Variants in FUT8 observed in about 807,000 individuals in gnomAD.
The protein encoded by FUT8 is fucosyltransferase 8.
A neutral mutation model predicts 71.3 loss-of-function variants in FUT8; 29 were observed. The ratio of observed to expected loss-of-function variants is 0.41; its 90% CI spans 0.30 to 0.55. FUT8 has a LOEUF of 0.55. Among genes scored for constraint, FUT8 ranks in the 20% least tolerant of loss-of-function variants. The probability of loss-of-function intolerance (pLI) is 0.34; values close to 1 mark genes in which losing one functional copy is unlikely to be tolerated. For missense variants in FUT8, 544 were observed against 702.1 expected (o/e 0.77, Z 2.55); for synonymous variants, 254 against 239.3 (o/e 1.06, Z -0.57).
At chr14:65,493,771 T>TG in intron 2 of FUT8, among the ~76,000 whole-genome samples, 1 of 151,928 alleles carries the variant, frequency 6.6e-6, no homozygotes, top group East Asian at 1.9e-4. Context: ...GGGATAACCT[T>TG]GGAGGCCTCT....
chr14:65,635,805 T>C (rs191002190), intron 6 of FUT8, among the ~76,000 whole-genome samples: 5 of 152,312 alleles, frequency 3.3e-5, no homozygotes. Context: ...CTTTTTCAGT[T>C]AATGTCCTTT....
intron 7 of FUT8, among the ~76,000 whole-genome samples, chr14:65,677,217 A>G (rs1892806385): frequency 6.7e-6 from 1 of 149,330 alleles, no homozygotes; most frequent in Non-Finnish European, 1.5e-5. Flanking sequence ...AGACTTTATT[A>G]CTCATGCATT....
chr14:65,495,223 T>TA (rs2066541246), intron 2 of FUT8, among the ~76,000 whole-genome samples: 2 of 151,470 alleles, frequency 1.3e-5, no homozygotes, highest in Admixed American at 6.6e-5. Context: ...TAATCACATT[T>TA]AAAAAACTAT....
At chr14:65,690,878 A>G (rs1002961923) in intron 7 of FUT8, among the ~76,000 whole-genome samples, 1 of 152,068 alleles carries the variant, frequency 6.6e-6, no homozygotes, top group Admixed American at 6.5e-5. Context: ...GGCGTGTGCC[A>G]CCACACCGGG....
At chr14:65,633,325 G>A (rs375852522) in intron 6 of FUT8, among the ~76,000 whole-genome samples, 12 of 151,930 alleles carry the variant, frequency 7.9e-5, no homozygotes, top group Admixed American at 3.3e-4. Context: ...TCAGTGCTCA[G>A]TGGTGCCCAG....
chr14:65,571,562 A>G (rs1886480658), intron 3 of FUT8, among the ~76,000 whole-genome samples: 1 of 152,150 alleles, frequency 6.6e-6, no homozygotes, highest in African/African-American at 2.4e-5. Flanking sequence ...TGTTCTATGA[A>G]TACAGCAATT....
chr14:65,526,987 C>T lies in FUT8; in HGVS notation c.-227-34350C>T, dbSNP rs566794665. On this transcript the variant is annotated intron_variant, in intron 2 of 10. Transcript: ENST00000673929. The stretch of plus-strand genomic sequence containing the variant: ...GTAACCCGACCTTTCTCTCTGGCTG[C>T]CCTTAACATTTTTTCCTTCATTTCA... Among the ~76,000 whole-genome samples, 10 of 152,288 alleles carry T rather than the reference C, an allele frequency of 6.6e-5. No homozygotes were observed. The South Asian group carries it at 2.1e-3, about 32-fold the overall frequency.
intron 1 of FUT8, among the ~76,000 whole-genome samples, chr14:65,424,102 GT>G (rs2065345631): frequency 6.6e-6 from 1 of 152,188 alleles, no homozygotes; most frequent in South Asian, 2.1e-4. Context: ...GTCATTTGAG[GT>G]TTATAGTATC....
intron 2 of FUT8, among the ~76,000 whole-genome samples, chr14:65,465,522 A>T (rs1306015896): frequency 1.3e-5 from 2 of 152,166 alleles, no homozygotes; most frequent in African/African-American, 2.4e-5. Flanking sequence ...AATATTTTAT[A>T]ATTTCTCAAG....
At position 65,445,790 on chromosome 14, in the gene FUT8, T is replaced by A. The variant is rs140393749; in HGVS notation, c.-325-9831T>A. On this transcript the variant is annotated intron_variant, in intron 1 of 10. Transcript: ENST00000673929. ...AAGTGACTGATGCACAGAAAACCTTTATTTTTTATTTTTTAAAAAGTAGAA... is the reference window on the plus strand; with the variant it reads ...AAGTGACTGATGCACAGAAAACCTTAATTTTTTATTTTTTAAAAAGTAGAA... 3.1e-3 allele frequency among the ~76,000 whole-genome samples: 468 copies of A among 152,366 alleles called. 2 individuals carry two copies. The highest frequency in any genetic ancestry group is 5.4e-3 in the Non-Finnish European group (370 of 68,034).
rs1890964327 is a variant in FUT8 at position 65,643,665 on chromosome 14, T to TATAC, written c.597+14060_597+14061insTACA. On this transcript the variant is annotated intron_variant, in intron 6 of 10. Coordinates refer to ENST00000673929, the MANE Select transcript of FUT8 (RefSeq NM_001371533.1). The surrounding 1 kb of genome is among the most constrained non-coding windows in gnomAD (Gnocchi z 4.5). ...CGAGACTCCGTCTTTAAAAAAAAAA[T>TATAC]ACACACACACACACACACACACACA... is the stretch of plus-strand genomic sequence containing the variant. 5.6e-5 allele frequency among the ~76,000 whole-genome samples: 7 copies of TATAC among 124,738 alleles called. No individual in the cohort carries two copies. The South Asian group carries it at 1.5e-3, about 27-fold the overall frequency. The allele number at this position is 124,738 out of a possible 152,430, so 81.8% of individuals were successfully genotyped here. A position where few individuals can be genotyped will look rare whatever the true frequency, so the allele number is the denominator to read the frequency against.
chr14:65,684,901 G>T (rs61987768), intron 7 of FUT8, among the ~76,000 whole-genome samples: 1 of 152,074 alleles, frequency 6.6e-6, no homozygotes. Context: ...TCATAGCAGC[G>T]TGAAAATGGA....
At chr14:65,444,741 A>T (rs1349578475) in intron 1 of FUT8, among the ~76,000 whole-genome samples, 1 of 152,208 alleles carries the variant, frequency 6.6e-6, no homozygotes, top group Non-Finnish European at 1.5e-5. Flanking sequence ...CTGTAGTGGT[A>T]GAGAATGTGT....
Position 65,589,001 on chromosome 14 carries a change from G to A in FUT8, c.204-26977G>A, listed in dbSNP as rs143059226. Among the ~76,000 whole-genome samples, 451 of 151,938 alleles carry A rather than the reference G, an allele frequency of 3.0e-3. 5 individuals carry two copies. Among genetic ancestry groups the A allele is most frequent in the African/African-American group, 9.9e-3 (411 of 41,432 alleles). On this transcript the variant is annotated intron_variant, in intron 3 of 10. Transcript: ENST00000673929. ...TTTTCTTTCTCAGCCCCTTTATTTC[G>A]CTCCTTTTTCTTGTCGCTCTCAATC...
chr14:65,679,571 A>G (rs553156733), intron 7 of FUT8, among the ~76,000 whole-genome samples: 12 of 152,320 alleles, frequency 7.9e-5, no homozygotes, highest in African/African-American at 2.9e-4. Context: ...CATCTGTATC[A>G]TGATTTATAT....
At chr14:65,549,930 G>T (rs563875662) in intron 2 of FUT8, among the ~76,000 whole-genome samples, 4 of 152,144 alleles carry the variant, frequency 2.6e-5, no homozygotes, top group Admixed American at 6.5e-5. Flanking sequence ...GCATGGTGGC[G>T]CGTGCCTGTA....
At chr14:65,481,635 A>G (rs975181998) in intron 2 of FUT8, among the ~76,000 whole-genome samples, 1 of 152,114 alleles carries the variant, frequency 6.6e-6, no homozygotes, top group Non-Finnish European at 1.5e-5. Context: ...CCTTGTCTCC[A>G]GGAAAATCCT....
At chr14:65,475,283 T>C (rs537766152) in intron 2 of FUT8, among the ~76,000 whole-genome samples, 25 of 152,258 alleles carry the variant, frequency 1.6e-4, no homozygotes, top group African/African-American at 6.0e-4. Context: ...TAATAACATG[T>C]CTCCCAAAAT....
rs766935854 is a variant in FUT8 at position 65,724,254 on chromosome 14, T to A, written c.1190T>A (p.Met397Lys). ...EEHFQLLARR[M>K]QVDKKRVYLA... ...CATTTTCAGCTTCTTGCACGCAGAA[T>A]GCAAGTGGACAAAAAAAGAGTGTAT... is the stretch of plus-strand genomic sequence containing the variant. Residue 397 changes from methionine (M) to lysine (K), a missense_variant, in exon 9 of 11, where the codon ATG (methionine) becomes AAG (lysine). Coordinates refer to ENST00000673929, the MANE Select transcript of FUT8 (RefSeq NM_001371533.1). 6.2e-7 allele frequency: 1 copy of A among 1,613,298 alleles called. No individual in the cohort carries two copies. The highest frequency in any genetic ancestry group is 8.5e-7 in the Non-Finnish European group (1 of 1,179,870).
Sources: allele counts gnomAD v4.1 joint callset (sites outside exome capture counted in the v4.1 genomes callset), GRCh38; gene constraint gnomAD v4.1.1; non-coding constraint Gnocchi (gnomAD v3.1); transcripts MANE v1.5; gene names NCBI Gene and HGNC (gene_info 2026-07-23, HGNC 2026-07-21).